UBE2E2: variants seen among roughly 807,000 people sequenced by gnomAD.
UBE2E2 encodes ubiquitin-conjugating enzyme E2 E2.
In UBE2E2, 6 loss-of-function variants were observed where a neutral mutation model predicts 24.7. The ratio of observed to expected loss-of-function variants is 0.24; its 90% CI spans 0.13 to 0.48. The LOEUF (loss-of-function observed/expected upper bound fraction) is 0.48, where lower values mean the gene tolerates loss of function less well. Ranked by LOEUF, UBE2E2 falls within the 20% of genes least tolerant of loss-of-function variation. The pLI, the probability that UBE2E2 is intolerant of heterozygous loss-of-function variation, is 0.99. For synonymous variants in UBE2E2, 104 were observed against 83.6 expected, an observed-to-expected ratio of 1.24 and a Z score of -1.33; for missense variants, 169 against 245.0, an observed-to-expected ratio of 0.69 and a Z score of 2.07.
At chr3:23,251,584 A>G (rs781104915) in intron 3 of UBE2E2, among the ~76,000 whole-genome samples, 14 of 152,222 alleles carry the variant, frequency 9.2e-5, no homozygotes, top group Non-Finnish European at 1.9e-4. Context: ...TTTTCTATGA[A>G]AGGAGCTTGT....
intron 3 of UBE2E2, among the ~76,000 whole-genome samples, chr3:23,383,438 C>T (rs1256719012): frequency 7.9e-5 from 12 of 151,178 alleles, no homozygotes; most frequent in Non-Finnish European, 1.6e-4. Flanking sequence ...GAAATAGAAG[C>T]CGATTGACTT....
At chr3:23,318,684 A>G (rs1355924064) in intron 3 of UBE2E2, among the ~76,000 whole-genome samples, 1 of 152,134 alleles carries the variant, frequency 6.6e-6, no homozygotes, top group African/African-American at 2.4e-5. Context: ...TTTACTTACC[A>G]CTTATTCACT....
chr3:23,270,591 G>C (rs945414214), intron 3 of UBE2E2, among the ~76,000 whole-genome samples: 3 of 152,170 alleles, frequency 2.0e-5, no homozygotes, highest in African/African-American at 7.2e-5. Flanking sequence ...ATACAGAGAA[G>C]CAGACAGGGT....
intron 3 of UBE2E2, among the ~76,000 whole-genome samples, chr3:23,258,177 T>C (rs187945009): frequency 6.6e-6 from 1 of 152,220 alleles, no homozygotes; most frequent in African/African-American, 2.4e-5. Flanking sequence ...ACACCGAAGG[T>C]AAGATCAAGA....
chr3:23,240,386 A>AT (rs1221084993), intron 3 of UBE2E2, among the ~76,000 whole-genome samples: 2 of 152,248 alleles, frequency 1.3e-5, no homozygotes, highest in Non-Finnish European at 2.9e-5. Context: ...CACTTACCAA[A>AT]TAAACAGCTA....
rs750622529 is a variant in UBE2E2 at position 23,278,457 on chromosome 3, A to G, written c.227+61145A>G. Among the ~76,000 whole-genome samples, 3 of 152,302 alleles carry G rather than the reference A, an allele frequency of 2.0e-5. No individual in the cohort carries two copies. The South Asian group carries it at 6.2e-4, about 32-fold the overall frequency. On this transcript the variant is annotated intron_variant, in intron 3 of 5. Transcript: ENST00000396703. Reference sequence around the variant, plus strand: ...TAAGTGCTTGAAGTTTTGAAATTAGATAACTTTCTTTAAACTCTAGTCTTG... The same window carrying G: ...TAAGTGCTTGAAGTTTTGAAATTAGGTAACTTTCTTTAAACTCTAGTCTTG...
chr3:23,566,697 A>G (rs1031807891), intron 5 of UBE2E2, among the ~76,000 whole-genome samples: 1 of 151,780 alleles, frequency 6.6e-6, no homozygotes, highest in Non-Finnish European at 1.5e-5. Context: ...TCTCATTACC[A>G]CTCATTACTG....
At chr3:23,354,166 G>A (rs1490774087) in intron 3 of UBE2E2, among the ~76,000 whole-genome samples, 1 of 151,968 alleles carries the variant, frequency 6.6e-6, no homozygotes, top group Non-Finnish European at 1.5e-5. Flanking sequence ...AATGGTGCTG[G>A]GAAAACTGGC....
chr3:23,536,819 CTATGTTTGGA>C (rs1271351909), intron 5 of UBE2E2, among the ~76,000 whole-genome samples: 1 of 152,268 alleles, frequency 6.6e-6, no homozygotes, highest in East Asian at 1.9e-4. Flanking sequence ...TTATACTTTT[CTATGTTTGGA>C]TATGTTTGAA....
chr3:23,569,256 T>C (rs944987777), intron 5 of UBE2E2, among the ~76,000 whole-genome samples: 1 of 152,202 alleles, frequency 6.6e-6, no homozygotes, highest in East Asian at 1.9e-4. Flanking sequence ...TAGGAAAAGT[T>C]TTCAGATTAG....
At chr3:23,516,771 A>G (rs1377521403) in intron 4 of UBE2E2, among the ~76,000 whole-genome samples, 1 of 152,156 alleles carries the variant, frequency 6.6e-6, no homozygotes, top group Non-Finnish European at 1.5e-5. Flanking sequence ...AACTAATGAT[A>G]CAGGTTTTTA....
At chr3:23,453,478 A>G (rs71322191) in intron 3 of UBE2E2, among the ~76,000 whole-genome samples, 36 of 152,146 alleles carry the variant, frequency 2.4e-4, no homozygotes, top group African/African-American at 7.2e-4. Flanking sequence ...CAAATGAAAA[A>G]CAAAGACTAC....
chr3:23,494,034 G>A (rs1699553616), intron 3 of UBE2E2, among the ~76,000 whole-genome samples: 1 of 152,172 alleles, frequency 6.6e-6, no homozygotes, highest in African/African-American at 2.4e-5. Context: ...CATTTACCCA[G>A]GTCCTAACAG....
At chr3:23,495,349 A>G (rs193075050) in intron 3 of UBE2E2, among the ~76,000 whole-genome samples, 4 of 152,188 alleles carry the variant, frequency 2.6e-5, no homozygotes, top group African/African-American at 9.7e-5. Flanking sequence ...CTTCTGCTTC[A>G]GAGTCCCTTC....
chr3:23,323,602 A>G (rs1267312587), intron 3 of UBE2E2: 5 of 423,658 alleles, frequency 1.2e-5, no homozygotes, highest in Non-Finnish European at 2.3e-5. Flanking sequence ...TATAATGCAC[A>G]TATTTCAAAA....
At chr3:23,324,342 A>G (rs1199620536) in intron 3 of UBE2E2, among the ~76,000 whole-genome samples, 2 of 152,258 alleles carry the variant, frequency 1.3e-5, no homozygotes, top group South Asian at 2.1e-4. Flanking sequence ...TAAAAATCCT[A>G]GCTAAACTCT....
At chr3:23,296,710 G>C (rs950858890) in intron 3 of UBE2E2, among the ~76,000 whole-genome samples, 8 of 152,194 alleles carry the variant, frequency 5.3e-5, no homozygotes, top group African/African-American at 1.9e-4. Context: ...GTCTGTCATT[G>C]TTGGACATTT....
chr3:23,462,588 A>T (rs1441101647), intron 3 of UBE2E2, among the ~76,000 whole-genome samples: 1 of 152,176 alleles, frequency 6.6e-6, no homozygotes, highest in East Asian at 1.9e-4. Flanking sequence ...CTAGGCAGAC[A>T]GAGTAGGTAA....
intron 4 of UBE2E2, among the ~76,000 whole-genome samples, chr3:23,526,403 C>G (rs1166278927): frequency 6.6e-6 from 1 of 152,090 alleles, no homozygotes; most frequent in Non-Finnish European, 1.5e-5. Flanking sequence ...CGCTCTTTTA[C>G]CTAAAAAACA....
Sources: gnomAD v4.1 joint callset for allele counts (sites outside exome capture counted in the v4.1 genomes callset) on GRCh38, gnomAD v4.1.1 for gene constraint, MANE v1.5 for transcripts, NCBI Gene and HGNC (gene_info 2026-07-23, HGNC 2026-07-21) for gene names.